FRMD6: variants seen among roughly 807,000 people sequenced by gnomAD.
The protein encoded by FRMD6 is FERM domain-containing protein 6.
A neutral mutation model predicts 73.2 loss-of-function variants in FRMD6; 37 were observed. The ratio of observed to expected loss-of-function variants is 0.51; its 90% CI spans 0.39 to 0.66. The LOEUF (loss-of-function observed/expected upper bound fraction) is 0.66. FRMD6 is among the 30% of genes least tolerant of loss of function. The pLI is 0.00. For synonymous variants in FRMD6, 273 were observed against 282.2 expected (o/e 0.97, Z 0.33); for missense variants, 714 against 780.5 (o/e 0.91, Z 1.02).
At chr14:51,673,762 A>C (rs1479006145) in intron 1 of FRMD6, among the ~76,000 whole-genome samples, 1 of 152,210 alleles carries the variant, frequency 6.6e-6, no homozygotes, top group Non-Finnish European at 1.5e-5. Context: ...TTATGTGTGG[A>C]ATATGATGCT....
At chr14:51,428,808 A>G in the FRMD6 span, among the ~76,000 whole-genome samples, 1 of 152,082 alleles carries the variant, frequency 6.6e-6, no homozygotes, top group South Asian at 2.1e-4. Flanking sequence ...CAGAAGTAAC[A>G]CTAAGCCTGG....
intron 1 of FRMD6, among the ~76,000 whole-genome samples, chr14:51,491,803 A>G (rs1180188135): frequency 6.6e-6 from 1 of 152,212 alleles, no homozygotes; most frequent in African/African-American, 2.4e-5. Flanking sequence ...AGAAGACAGT[A>G]CAGCTCTGTG....
In FRMD6 at chr14:51,515,243, G is replaced by A. The variant is rs148897965; in HGVS notation, c.-210+25823G>A. On this transcript the variant is annotated intron_variant, in intron 1 of 14. Transcript: ENST00000356218. ...TCCAGTTCCCGTTACCAAGATCGTAGTTCTGCCTTCATCCCTGTGTCTGAA... is the reference window on the plus strand; with the variant it reads ...TCCAGTTCCCGTTACCAAGATCGTAATTCTGCCTTCATCCCTGTGTCTGAA... Among the ~76,000 whole-genome samples, 313 of 152,324 alleles carry A rather than the reference G, an allele frequency of 2.1e-3. 2 individuals are homozygous for A. Among genetic ancestry groups the A allele is most frequent in the African/African-American group, 6.8e-3 (284 of 41,578 alleles).
chr14:51,479,670 A>T, the FRMD6 span, among the ~76,000 whole-genome samples: 4 of 152,340 alleles, frequency 2.6e-5, no homozygotes, highest in South Asian at 8.3e-4. Flanking sequence ...GTAAATAATT[A>T]TTAACTTTTA....
At chr14:51,662,845 A>G (rs1050606714) in intron 1 of FRMD6, among the ~76,000 whole-genome samples, 15 of 152,252 alleles carry the variant, frequency 9.9e-5, no homozygotes, top group Non-Finnish European at 2.2e-4. Context: ...GAGTGAACAG[A>G]CAACCTACAG....
the FRMD6 span, among the ~76,000 whole-genome samples, chr14:51,429,425 T>A: frequency 7.3e-5 from 1 of 13,642 alleles, no homozygotes; most frequent in Non-Finnish European, 1.7e-4. Flanking sequence ...GTCATGAAGA[T>A]TTTTTTTTGT....
chr14:51,698,184 C>T lies in FRMD6; in HGVS notation c.142C>T (p.Leu48=), dbSNP rs534480876. Residue 48 remains leucine (L), a synonymous_variant, in exon 3 of 14, where the codon CTG becomes TTG. Coordinates refer to ENST00000344768, the MANE Select transcript of FRMD6 (RefSeq NM_001267046.2). ...CCAGTTGCTGGTCCAGGTTTGTGAC[C>T]TGCTCAGGCTAAAGGACTGCCACCT... ...CHQLLVQVCD[L]LRLKDCHLFG... The T allele has an allele frequency of 1.2e-6, 2 of 1,612,560 alleles. No homozygotes were observed. Among genetic ancestry groups the T allele is most frequent in the East Asian group, 2.2e-5 (1 of 44,852 alleles).
the FRMD6 span, among the ~76,000 whole-genome samples, chr14:51,416,273 T>C: frequency 6.6e-6 from 1 of 152,230 alleles, no homozygotes; most frequent in East Asian, 1.9e-4. Flanking sequence ...CTTTCCTGCT[T>C]TCTTTTGTGG....
chr14:51,682,256 T>C (rs1351258273), intron 1 of FRMD6, among the ~76,000 whole-genome samples: 1 of 152,200 alleles, frequency 6.6e-6, no homozygotes, highest in Non-Finnish European at 1.5e-5. Flanking sequence ...ATTTTTCAGC[T>C]ACTCAGATTT....
In FRMD6 at chr14:51,715,510, G is replaced by C; in HGVS notation, c.1024+11G>C. 6.3e-7 allele frequency: 1 copy of C among 1,584,846 alleles called. No individual in the cohort carries two copies. Among genetic ancestry groups the C allele is most frequent in the Non-Finnish European group, 8.6e-7 (1 of 1,163,534 alleles). ...TGGAGGAAAACGAAGGTATTGCAGGGTCTGGGGTGTGGAAGCAAATTGTAC... is the reference window on the plus strand; with the variant it reads ...TGGAGGAAAACGAAGGTATTGCAGGCTCTGGGGTGTGGAAGCAAATTGTAC... On this transcript the variant is annotated intron_variant, in intron 10 of 13. Transcript: ENST00000344768.
the FRMD6 span, among the ~76,000 whole-genome samples, chr14:51,478,059 A>G: frequency 6.6e-6 from 1 of 152,148 alleles, no homozygotes; most frequent in Non-Finnish European, 1.5e-5. Flanking sequence ...ATAGCATGTT[A>G]TATGACATGT....
intron 1 of FRMD6, among the ~76,000 whole-genome samples, chr14:51,542,997 C>T (rs555464153): frequency 1.2e-4 from 18 of 152,020 alleles, no homozygotes; most frequent in African/African-American, 4.3e-4. Flanking sequence ...TATAGGAGTT[C>T]TTTATATAAT....
chr14:51,432,552 G>A, the FRMD6 span, among the ~76,000 whole-genome samples: 1 of 152,152 alleles, frequency 6.6e-6, no homozygotes, highest in Non-Finnish European at 1.5e-5. Context: ...ACACTCAAAT[G>A]TGAAGATACC....
intron 2 of FRMD6, among the ~76,000 whole-genome samples, chr14:51,628,794 C>CT (rs1891213614): frequency 1.6e-5 from 1 of 61,690 alleles, no homozygotes; most frequent in African/African-American, 6.9e-5. Flanking sequence ...GAGCAAGACT[C>CT]TGTCTCAAAA....
chr14:51,520,615 G>A (rs1465553396), intron 1 of FRMD6, among the ~76,000 whole-genome samples: 1 of 152,200 alleles, frequency 6.6e-6, no homozygotes, highest in Non-Finnish European at 1.5e-5. Flanking sequence ...GTTAAAACAA[G>A]TAAACTGGCG....
At chr14:51,595,569 G>A (rs1488631269) in intron 2 of FRMD6, among the ~76,000 whole-genome samples, 1 of 152,164 alleles carries the variant, frequency 6.6e-6, no homozygotes, top group Non-Finnish European at 1.5e-5. Context: ...TTATAGGGGA[G>A]TACATAGGGT....
At chr14:51,516,273 G>C (rs1884634530) in intron 1 of FRMD6, among the ~76,000 whole-genome samples, 3 of 152,146 alleles carry the variant, frequency 2.0e-5, no homozygotes, top group Non-Finnish European at 4.4e-5. Context: ...CCATTTACAG[G>C]GACTGGTTTT....
At chr14:51,657,349 C>T (rs181116116) in intron 1 of FRMD6, among the ~76,000 whole-genome samples, 1 of 152,288 alleles carries the variant, frequency 6.6e-6, no homozygotes, top group East Asian at 1.9e-4. Flanking sequence ...AATCAAGAAG[C>T]AGAACATTAC....
the FRMD6 span, among the ~76,000 whole-genome samples, chr14:51,435,167 C>T: frequency 6.6e-6 from 1 of 152,116 alleles, no homozygotes; most frequent in Non-Finnish European, 1.5e-5. Flanking sequence ...ATGTCAATTT[C>T]CTGGTTTTGA....
Sources: allele counts gnomAD v4.1 joint callset (sites outside exome capture counted in the v4.1 genomes callset), GRCh38; gene constraint gnomAD v4.1.1; transcripts MANE v1.5; gene names NCBI Gene and HGNC (gene_info 2026-07-23, HGNC 2026-07-21).